Variants in EPHA6 observed in about 807,000 individuals in gnomAD.
The protein encoded by EPHA6 is EPH receptor A6.
In EPHA6, 50 loss-of-function variants were observed where a neutral mutation model predicts 112.0. The ratio of observed to expected loss-of-function variants is 0.45; its 90% confidence interval spans 0.36 to 0.56. The LOEUF is 0.56. Ranked by LOEUF, EPHA6 falls within the 20% of genes least tolerant of loss-of-function variation. The pLI is 0.00. For missense variants in EPHA6, 1,280 were observed against 1,417.4 expected (o/e 0.90, Z 1.56); for synonymous variants, 529 against 490.7 (o/e 1.08, Z -1.03).
intron 3 of EPHA6, among the ~76,000 whole-genome samples, chr3:97,118,649 T>G (rs1157271427): frequency 1.3e-5 from 2 of 151,916 alleles, no homozygotes; most frequent in African/African-American, 4.8e-5. Flanking sequence ...AGGGTAGAAC[T>G]TGTATATTTA....
chr3:97,255,096 G>A (rs2079264651), intron 5 of EPHA6, among the ~76,000 whole-genome samples: 1 of 151,704 alleles, frequency 6.6e-6, no homozygotes, highest in Non-Finnish European at 1.5e-5. Context: ...GGGTCACAAA[G>A]GAGTGACAGT....
intron 2 of EPHA6, among the ~76,000 whole-genome samples, chr3:96,914,986 A>T (rs1308618052): frequency 6.6e-6 from 1 of 151,814 alleles, no homozygotes; most frequent in Non-Finnish European, 1.5e-5. Context: ...ATCTTTTGTC[A>T]GTAGTAATTA....
At chr3:97,225,634 A>G (rs767234485) in intron 3 of EPHA6, among the ~76,000 whole-genome samples, 2 of 152,100 alleles carry the variant, frequency 1.3e-5, no homozygotes, top group East Asian at 1.9e-4. Context: ...TGAATAACCA[A>G]CCTCTTGATA....
At chr3:97,215,610 C>CAAAA (rs11340632) in intron 3 of EPHA6, among the ~76,000 whole-genome samples, 1 of 122,136 alleles carries the variant, frequency 8.2e-6, no homozygotes, top group Non-Finnish European at 1.9e-5. Flanking sequence ...AACTTTGTCT[C>CAAAA]AAAAAAAAAA....
chr3:97,741,472 A>T (rs769326476), intron 16 of EPHA6, among the ~76,000 whole-genome samples: 17 of 152,174 alleles, frequency 1.1e-4, no homozygotes, highest in Admixed American at 2.6e-4. Flanking sequence ...ATTATCAACA[A>T]TAACTATGAC....
intron 3 of EPHA6, among the ~76,000 whole-genome samples, chr3:97,200,586 C>A (rs986847370): frequency 6.6e-6 from 1 of 152,088 alleles, no homozygotes; most frequent in African/African-American, 2.4e-5. Context: ...GCAGACTCAG[C>A]ATTTTTACCT....
intron 5 of EPHA6, among the ~76,000 whole-genome samples, chr3:97,300,505 T>G (rs1322229142): frequency 1.3e-5 from 2 of 152,168 alleles, no homozygotes; most frequent in Non-Finnish European, 2.9e-5. Flanking sequence ...TGACACATTT[T>G]CACACACAAA....
At chr3:97,162,851 A>G (rs1187159603) in intron 3 of EPHA6, among the ~76,000 whole-genome samples, 1 of 152,060 alleles carries the variant, frequency 6.6e-6, no homozygotes, top group African/African-American at 2.4e-5. Context: ...TTAGATATCT[A>G]TTTTACTTTT....
intron 3 of EPHA6, among the ~76,000 whole-genome samples, chr3:96,999,944 A>G (rs905493536): frequency 2.6e-5 from 4 of 151,776 alleles, no homozygotes; most frequent in African/African-American, 7.3e-5. Context: ...TACCTACCCA[A>G]AAAGATTTTC....
intron 13 of EPHA6, among the ~76,000 whole-genome samples, chr3:97,612,843 G>T (rs778574245): frequency 1.3e-5 from 2 of 151,950 alleles, no homozygotes; most frequent in African/African-American, 4.8e-5. Context: ...TTATTATAAA[G>T]ATTGATTGTT....
chr3:97,126,429 T>C (rs1196407519), intron 3 of EPHA6, among the ~76,000 whole-genome samples: 1 of 152,170 alleles, frequency 6.6e-6, no homozygotes. Context: ...AAAAGCACGA[T>C]GAAAAAGTAA....
At chr3:97,354,760 A>G (rs1392736814) in intron 5 of EPHA6, among the ~76,000 whole-genome samples, 1 of 152,218 alleles carries the variant, frequency 6.6e-6, no homozygotes, top group African/African-American at 2.4e-5. Context: ...CAAAAAGATT[A>G]TAGAACACCA....
At chr3:96,950,007 CT>C (rs1378434880) in intron 2 of EPHA6, among the ~76,000 whole-genome samples, 8 of 152,086 alleles carry the variant, frequency 5.3e-5, no homozygotes, top group African/African-American at 1.9e-4. Flanking sequence ...AAAATTTATC[CT>C]TCTGTGCAGT....
intron 2 of EPHA6, among the ~76,000 whole-genome samples, chr3:96,873,093 C>T (rs1305357859): frequency 6.6e-6 from 1 of 151,904 alleles, no homozygotes; most frequent in Non-Finnish European, 1.5e-5. Flanking sequence ...CATGGTGAAA[C>T]CCCGTCTTCA....
At chr3:96,852,644 G>A (rs886092420) in intron 1 of EPHA6, among the ~76,000 whole-genome samples, 25 of 149,876 alleles carry the variant, frequency 1.7e-4, no homozygotes, top group Non-Finnish European at 3.4e-4. Flanking sequence ...AAAATGGCTT[G>A]CTCCCCTTCA....
chr3:97,703,922 A>G (rs1020254129), intron 14 of EPHA6, among the ~76,000 whole-genome samples: 24 of 152,020 alleles, frequency 1.6e-4, no homozygotes, highest in African/African-American at 5.3e-4. Context: ...CCCAGTACAT[A>G]TATATATATG....
chr3:97,349,469 T>C lies in EPHA6; in HGVS notation c.1607-55681T>C, dbSNP rs558609660. On this transcript the variant is annotated intron_variant, in intron 5 of 17. Transcript: ENST00000389672. ...ACCCATATTTATTGAGACAGAAATATGGAGCATTGTGAAAAACAATAGCAA... is the reference window on the plus strand; with the variant it reads ...ACCCATATTTATTGAGACAGAAATACGGAGCATTGTGAAAAACAATAGCAA... 4.6e-5 allele frequency among the ~76,000 whole-genome samples: 7 copies of C among 152,196 alleles called. No individual in the cohort carries two copies. The South Asian group carries it at 1.2e-3, about 27-fold the overall frequency.
chr3:97,216,622 G>A (rs2078042774), intron 3 of EPHA6, among the ~76,000 whole-genome samples: 1 of 152,152 alleles, frequency 6.6e-6, no homozygotes, highest in African/African-American at 2.4e-5. Context: ...CAAATGGTAG[G>A]CCTATGTTCC....
At chr3:97,259,668 C>T (rs2079432785) in intron 5 of EPHA6, among the ~76,000 whole-genome samples, 1 of 152,088 alleles carries the variant, frequency 6.6e-6, no homozygotes, top group Admixed American at 6.5e-5. Flanking sequence ...TGCATGAGTA[C>T]TCTGTGCTGT....
Sources: allele counts gnomAD v4.1 joint callset (sites outside exome capture counted in the v4.1 genomes callset), GRCh38; gene constraint gnomAD v4.1.1; transcripts MANE v1.5; gene names NCBI Gene and HGNC (gene_info 2026-07-23, HGNC 2026-07-21).